The following ESYT2 variants were observed in gnomAD, a reference collection of about 807,000 sequenced individuals.
The protein encoded by ESYT2 is extended synaptotagmin 2, also known as extended synaptotagmin-2.
ESYT2 carries 54 observed loss-of-function variants against 107.2 expected under a neutral mutation model. The observed-to-expected ratio is 0.50, with a 90% CI of 0.40 to 0.63. ESYT2 has a LOEUF of 0.63. Among genes scored for constraint, ESYT2 ranks in the 30% least tolerant of loss-of-function variants. The pLI is 0.00. For missense variants in ESYT2, 1,020 were observed against 1,094.5 expected (o/e 0.93, Z 0.96); for synonymous variants, 491 against 434.1 (o/e 1.13, Z -1.63).
chr7:158,800,728 TCTTTTC>T (rs772341730), intron 1 of ESYT2, among the ~76,000 whole-genome samples: 24 of 147,904 alleles, frequency 1.6e-4, no homozygotes, highest in South Asian at 2.1e-4. Flanking sequence ...TTTTTTCTTT[TCTTTTC>T]TTTTTTTTTT....
chr7:158,782,115 G>A (rs534148310), intron 6 of ESYT2, among the ~76,000 whole-genome samples: 1 of 140,974 alleles, frequency 7.1e-6, no homozygotes, highest in African/African-American at 2.7e-5. Context: ...AAAGTGTGAG[G>A]TGTGAGTGTA....
chr7:158,776,025 T>A (rs1838549116), intron 6 of ESYT2, among the ~76,000 whole-genome samples: 1 of 152,226 alleles, frequency 6.6e-6, no homozygotes, highest in South Asian at 2.1e-4. Flanking sequence ...CTGCATCAGA[T>A]CTCCTGGGTG....
intron 1 of ESYT2, 66 bp downstream of exon 1, chr7:158,829,023 C>G: frequency 5.9e-6 from 9 of 1,535,968 alleles, no homozygotes; most frequent in Non-Finnish European, 6.9e-6. Flanking sequence ...AGGGGAGTGC[C>G]TGCCTGGACG....
At position 158,767,679 on chromosome 7, in the gene ESYT2, G is replaced by C; in HGVS notation, c.899C>G (p.Ala300Gly). The change falls in exon 8 of 23, where the codon GCT (alanine) becomes GGT (glycine). Residue 300 changes from alanine to glycine, a missense_variant. Physicochemically the swap from Ala to Gly is moderately conservative, Grantham distance 60 (BLOSUM62 0). Transcript: ENST00000275418. ...TVPLVSEVQI[A>G]QLRFPVPKGV... Reference sequence around the variant, plus strand: ...CTTTGGTACAGGAAACCGCAACTGAGCTATTTGAACTTCACTGACAAGTGG... The same window carrying C: ...CTTTGGTACAGGAAACCGCAACTGACCTATTTGAACTTCACTGACAAGTGG... The C allele has an allele frequency of 1.2e-6, 2 of 1,612,260 alleles. No individual in the cohort carries two copies. The highest frequency in any genetic ancestry group is 1.7e-6 in the Non-Finnish European group (2 of 1,179,112).
chr7:158,735,441 T>C (rs1836897050), intron 21 of ESYT2, 62 bp downstream of exon 21: 5 of 1,388,910 alleles, frequency 3.6e-6, no homozygotes, highest in African/African-American at 2.9e-5. Flanking sequence ...AACACTGCAC[T>C]GCAGGTAAAT....
At chr7:158,779,010 G>A (rs1344743664) in intron 6 of ESYT2, among the ~76,000 whole-genome samples, 1 of 152,120 alleles carries the variant, frequency 6.6e-6, no homozygotes, top group Non-Finnish European at 1.5e-5. Flanking sequence ...CTGACATAAT[G>A]TTTTGCTAGA....
At chr7:158,738,905 C>T (rs1158398348) in intron 19 of ESYT2, 118 bp downstream of exon 19, 1 of 1,054,666 alleles carries the variant, frequency 9.5e-7, no homozygotes, top group Non-Finnish European at 1.4e-6. Context: ...ATTGCTTTGT[C>T]CTTTCTAAAT....
intron 6 of ESYT2, among the ~76,000 whole-genome samples, chr7:158,776,481 C>A (rs564314488): frequency 2.6e-5 from 4 of 152,340 alleles, no homozygotes; most frequent in African/African-American, 9.6e-5. Context: ...TTACCTTGCA[C>A]TTTTATGTTA....
intron 20 of ESYT2, among the ~76,000 whole-genome samples, chr7:158,736,164 G>GAT (rs145730607): frequency 0.24 from 35,998 of 152,064 alleles, 5,110 homozygotes; most frequent in East Asian, 0.59. Context: ...ACCGTGCTGG[G>GAT]GGGCAAGTGG....
At chr7:158,782,165 A>C (rs1216412025) in intron 6 of ESYT2, among the ~76,000 whole-genome samples, 5 of 150,476 alleles carry the variant, frequency 3.3e-5, no homozygotes, top group African/African-American at 4.9e-5. Flanking sequence ...GAGTGTGAGA[A>C]CAGTGAGGTG....
intron 6 of ESYT2, among the ~76,000 whole-genome samples, chr7:158,782,144 T>G (rs987241770): frequency 7.8e-6 from 1 of 127,600 alleles, no homozygotes; most frequent in Admixed American, 7.8e-5. Flanking sequence ...AACAAGTGAG[T>G]GAACAAGTGT....
chr7:158,793,581 C>G, intron 4 of ESYT2, 69 bp downstream of exon 4: 5 of 1,163,242 alleles, frequency 4.3e-6, no homozygotes, highest in Non-Finnish European at 6.4e-6. Context: ...TATCCTCCAC[C>G]TTACAGGTAC....
intron 7 of ESYT2, among the ~76,000 whole-genome samples, chr7:158,771,239 G>A (rs748865751): frequency 6.6e-6 from 1 of 152,224 alleles, no homozygotes; most frequent in African/African-American, 2.4e-5. Flanking sequence ...TTACAGAGTA[G>A]ATGTTCAATA....
Position 158,737,195 on chromosome 7 carries a change from A to G in ESYT2, c.2268-16T>C, listed in dbSNP as rs1262008429. ...AATGAGGTTTCTTACAACACAAACC[A>G]GATAAGACGAGGTATTAGGACCGAG... On this transcript the variant is annotated splice_polypyrimidine_tract_variant and intron_variant, in intron 19 of 22. Transcript: ENST00000275418. 18 of 1,612,640 alleles carry G rather than the reference A, an allele frequency of 1.1e-5. No individual in the cohort carries two copies. Among genetic ancestry groups the G allele is most frequent in the Non-Finnish European group, 1.4e-5 (17 of 1,178,966 alleles).
chr7:158,788,169 C>A (rs763945708), intron 5 of ESYT2, 76 bp from the exon 6 acceptor site: 39 of 1,311,582 alleles, frequency 3.0e-5, no homozygotes, highest in Admixed American at 2.3e-4. Flanking sequence ...AGTTTGCATG[C>A]GAATCTTAGT....
At chr7:158,739,407 C>T (rs573653889) in intron 18 of ESYT2, among the ~76,000 whole-genome samples, 10 of 152,168 alleles carry the variant, frequency 6.6e-5, no homozygotes, top group Non-Finnish European at 8.8e-5. Context: ...AGTGCAATGG[C>T]GCAATCTTGG....
At chr7:158,789,283 T>G (rs1262823976) in intron 4 of ESYT2, among the ~76,000 whole-genome samples, 1 of 152,240 alleles carries the variant, frequency 6.6e-6, no homozygotes, top group African/African-American at 2.4e-5. Flanking sequence ...TCTACCTAGT[T>G]GGTAAAATCA....
At chr7:158,798,978 A>G in intron 2 of ESYT2, 53 bp downstream of exon 2, 1 of 1,532,246 alleles carries the variant, frequency 6.5e-7, no homozygotes, top group African/African-American at 1.4e-5. Flanking sequence ...GAAAGATGGT[A>G]TCTCATCCTC....
At chr7:158,761,668 C>A in intron 10 of ESYT2, 124 bp from the exon 11 acceptor site, 1 of 809,034 alleles carries the variant, frequency 1.2e-6, no homozygotes, top group Non-Finnish European at 2.0e-6. Context: ...TGAACAAGCA[C>A]TCCAGAAATG....
Sources: allele counts gnomAD v4.1 joint callset (sites outside exome capture counted in the v4.1 genomes callset), GRCh38; gene constraint gnomAD v4.1.1; transcripts MANE v1.5; gene names NCBI Gene and HGNC (gene_info 2026-07-23, HGNC 2026-07-21).